The following CNTNAP2 variants were observed in gnomAD, a reference collection of about 807,000 sequenced individuals.
CNTNAP2 encodes contactin associated protein 2, also known as contactin-associated protein-like 2.
In CNTNAP2, 98 loss-of-function variants were observed where a neutral mutation model predicts 155.2. The observed-to-expected ratio is 0.63, with a 90% CI of 0.54 to 0.75. The LOEUF is 0.75. Ranked by LOEUF, CNTNAP2 falls within the 30% of genes least tolerant of loss-of-function variation. The pLI, the probability that CNTNAP2 is intolerant of heterozygous loss-of-function variation, is 0.00. For missense variants in CNTNAP2, 1,727 were observed against 1,688.1 expected (o/e 1.02, Z -0.40); for synonymous variants, 651 against 631.2 (o/e 1.03, Z -0.47).
At chr7:147,184,327 A>G (rs1314592996) in intron 8 of CNTNAP2, among the ~76,000 whole-genome samples, 1 of 152,184 alleles carries the variant, frequency 6.6e-6, no homozygotes, top group African/African-American at 2.4e-5. Flanking sequence ...TTACCATTTA[A>G]GTCGTTGGAT....
chr7:147,115,250 A>AT (rs1169637399), intron 5 of CNTNAP2, among the ~76,000 whole-genome samples: 2 of 151,830 alleles, frequency 1.3e-5, no homozygotes, highest in South Asian at 4.2e-4. Context: ...TGCCTTTAAC[A>AT]TTTTTTCTTT....
chr7:146,886,828 T>C (rs1287544570), intron 3 of CNTNAP2, among the ~76,000 whole-genome samples: 4 of 150,932 alleles, frequency 2.7e-5, no homozygotes, highest in African/African-American at 7.3e-5. Context: ...ACGAAATGGA[T>C]TTTTCTGTAT....
At chr7:147,746,759 G>A (rs908373485) in intron 13 of CNTNAP2, among the ~76,000 whole-genome samples, 4 of 152,126 alleles carry the variant, frequency 2.6e-5, no homozygotes, top group African/African-American at 9.7e-5. Context: ...TGGTAAGGGT[G>A]AGAGAACTCC....
intron 15 of CNTNAP2, among the ~76,000 whole-genome samples, chr7:148,094,821 T>C (rs1163540940): frequency 6.6e-6 from 1 of 152,212 alleles, no homozygotes; most frequent in Non-Finnish European, 1.5e-5. Context: ...AAGCACGTTC[T>C]GATAGAATTT....
At chr7:148,303,885 C>T (rs1381098814) in intron 21 of CNTNAP2, among the ~76,000 whole-genome samples, 4 of 152,178 alleles carry the variant, frequency 2.6e-5, no homozygotes, top group Non-Finnish European at 4.4e-5. Flanking sequence ...AAAGTTGTCA[C>T]TGGGTGGAAT....
intron 13 of CNTNAP2, among the ~76,000 whole-genome samples, chr7:147,664,141 T>G (rs1795659215): frequency 6.6e-6 from 1 of 152,242 alleles, no homozygotes; most frequent in African/African-American, 2.4e-5. Flanking sequence ...CAGCAGATAC[T>G]GGTTTTCTCT....
At chr7:146,537,961 T>C (rs1011206396) in intron 1 of CNTNAP2, among the ~76,000 whole-genome samples, 1 of 152,050 alleles carries the variant, frequency 6.6e-6, no homozygotes, top group African/African-American at 2.4e-5. Flanking sequence ...GGAAGGGATT[T>C]GAACACAGGA....
At chr7:147,650,667 T>G (rs190314259) in intron 13 of CNTNAP2, among the ~76,000 whole-genome samples, 1 of 152,294 alleles carries the variant, frequency 6.6e-6, no homozygotes, top group East Asian at 1.9e-4. Context: ...AATTGGCTGT[T>G]TATGTTATCT....
intron 1 of CNTNAP2, among the ~76,000 whole-genome samples, chr7:146,435,281 T>C (rs574397917): frequency 3.0e-4 from 46 of 152,318 alleles, no homozygotes; most frequent in Non-Finnish European, 5.9e-4. Context: ...AATAAACTTT[T>C]TTAACTTATA....
intron 17 of CNTNAP2, among the ~76,000 whole-genome samples, chr7:148,158,019 G>A (rs79467237): frequency 0.029 from 4,390 of 151,980 alleles, 197 homozygotes; most frequent in African/African-American, 0.098. Context: ...ACGCTCAGTC[G>A]GCTGCTATCT....
chr7:146,786,893 G>A (rs1802583250), intron 2 of CNTNAP2: 1 of 152,114 alleles, frequency 6.6e-6, no homozygotes, highest in Admixed American at 6.6e-5. Context: ...TTGAACTGCG[G>A]GTCCTTGTCT....
chr7:147,534,562 G>A (rs201924199), intron 11 of CNTNAP2, among the ~76,000 whole-genome samples: 21 of 152,166 alleles, frequency 1.4e-4, no homozygotes, highest in East Asian at 3.9e-4. Context: ...CACCTTGGAC[G>A]GTTCCCAAGA....
rs566666137 is a variant in CNTNAP2, at chr7:147,007,300, A to G, written c.403-36607A>G. On this transcript the variant is annotated intron_variant, in intron 3 of 23. Coordinates refer to ENST00000361727, the MANE Select transcript of CNTNAP2 (RefSeq NM_014141.6). ...CCAGATGTGGCTACTGTTAATTCTG[A>G]TTGCTCTAACCACAGAGCATAAATT... Among the ~76,000 whole-genome samples, 101 of 152,118 alleles carry G rather than the reference A, an allele frequency of 6.6e-4. 1 individual carries two copies. Among genetic ancestry groups the G allele is most frequent in the Admixed American group, 3.6e-3 (55 of 15,252 alleles).
At chr7:147,012,873 T>A (rs1380943943) in intron 3 of CNTNAP2, among the ~76,000 whole-genome samples, 1 of 152,156 alleles carries the variant, frequency 6.6e-6, no homozygotes, top group Non-Finnish European at 1.5e-5. Flanking sequence ...TGAGGCCTTT[T>A]GGGACCTGCT....
At chr7:148,373,442 G>A (rs1051741132) in intron 21 of CNTNAP2, among the ~76,000 whole-genome samples, 5 of 152,128 alleles carry the variant, frequency 3.3e-5, no homozygotes, top group East Asian at 1.9e-4. Flanking sequence ...ACGACAGAGC[G>A]AGACTCAGTC....
intron 1 of CNTNAP2, 56 bp from the exon 2 acceptor site, chr7:146,774,215 C>T (rs116479521): frequency 2.4e-6 from 3 of 1,235,516 alleles, no homozygotes; most frequent in African/African-American, 1.5e-5. Context: ...ACATACCAAT[C>T]GTTATTTCGA....
At chr7:146,736,016 A>T (rs1801613719) in intron 1 of CNTNAP2, among the ~76,000 whole-genome samples, 1 of 152,182 alleles carries the variant, frequency 6.6e-6, no homozygotes, top group African/African-American at 2.4e-5. Flanking sequence ...CACTTTGTAC[A>T]CCCTAAATGT....
rs530309512 is a variant in CNTNAP2 at position 146,488,092 on chromosome 7, T to G, written c.98-286179T>G. Among the ~76,000 whole-genome samples, 15 of 152,292 alleles carry G rather than the reference T, an allele frequency of 9.8e-5. No homozygotes were observed. In the East Asian group the frequency reaches 2.9e-3, roughly 29 times the overall value. ...TTTCAAATTTTTGAATCCGTTAATTTTAAACATTTGGATCATACCTTGAAT... is the reference window on the plus strand; with the variant it reads ...TTTCAAATTTTTGAATCCGTTAATTGTAAACATTTGGATCATACCTTGAAT... On this transcript the variant is annotated intron_variant, in intron 1 of 23. Transcript: ENST00000361727.
intron 13 of CNTNAP2, among the ~76,000 whole-genome samples, chr7:147,884,342 G>A (rs555756783): frequency 6.6e-6 from 1 of 152,288 alleles, no homozygotes; most frequent in South Asian, 2.1e-4. Flanking sequence ...AGAGAGGCAG[G>A]TGGTTTTGAT....
Sources: gnomAD v4.1 joint callset for allele counts (sites outside exome capture counted in the v4.1 genomes callset) on GRCh38, gnomAD v4.1.1 for gene constraint, MANE v1.5 for transcripts, NCBI Gene and HGNC (gene_info 2026-07-23, HGNC 2026-07-21) for gene names.